The following DTNA variants were observed in gnomAD, a reference collection of about 807,000 sequenced individuals.
DTNA encodes the protein dystrobrevin alpha.
Under a neutral mutation model 100.7 loss-of-function variants are expected in DTNA, and 43 were observed. The ratio of observed to expected loss-of-function variants is 0.43; its 90% CI spans 0.33 to 0.55. DTNA has a LOEUF of 0.55. Among genes scored for constraint, DTNA ranks in the 20% least tolerant of loss-of-function variants. The pLI, the probability that DTNA is intolerant of heterozygous loss-of-function variation, is 0.04. For synonymous variants in DTNA, 349 were observed against 347.9 expected (o/e 1.00, Z -0.04); for missense variants, 798 against 953.9 (o/e 0.84, Z 2.15).
Position 34,599,861 on chromosome 18 carries a change from T to C in DTNA, c.-2+106347T>C, listed in dbSNP as rs896867873. Among the ~76,000 whole-genome samples, 6 of 152,264 alleles carry C rather than the reference T, an allele frequency of 3.9e-5. No individual in the cohort carries two copies. In the East Asian group the frequency reaches 1.2e-3, roughly 29 times the overall value. ...CCTAGCTAATTTTTTGTATTTTTAG[T>C]AGAGACAGGCTTTCATCATGTTGGC... On this transcript the variant is annotated intron_variant, in intron 1 of 19. Transcript: ENST00000283365.
chr18:34,544,335 T>A (rs1441983602), intron 1 of DTNA, among the ~76,000 whole-genome samples: 5 of 152,064 alleles, frequency 3.3e-5, no homozygotes, highest in Non-Finnish European at 5.9e-5. Context: ...TTAAAAAAAA[T>A]AATAGAAACT....
intron 1 of DTNA, among the ~76,000 whole-genome samples, chr18:34,733,148 G>T (rs1355799231): frequency 6.6e-6 from 1 of 152,072 alleles, no homozygotes; most frequent in Non-Finnish European, 1.5e-5. Context: ...GGGGAAGAAT[G>T]GGAGAAAGAT....
chr18:34,605,957 A>G (rs961934827), intron 1 of DTNA, among the ~76,000 whole-genome samples: 3 of 152,292 alleles, frequency 2.0e-5, no homozygotes, highest in South Asian at 4.1e-4. Context: ...GTTTATTTAA[A>G]TGATTTAAAT....
chr18:34,836,900 G>A (rs2096162254), intron 11 of DTNA, among the ~76,000 whole-genome samples: 2 of 151,986 alleles, frequency 1.3e-5, no homozygotes, highest in African/African-American at 2.4e-5. Flanking sequence ...CAACTATAAT[G>A]TGCATAGTTC....
In DTNA at chr18:34,533,010, T is replaced by C. The variant is rs536182655; in HGVS notation, c.-2+39496T>C. Among the ~76,000 whole-genome samples the C allele has an allele frequency of 3.3e-5, 5 of 152,088 alleles. No homozygotes were observed. In the South Asian group the frequency reaches 1.0e-3, roughly 32 times the overall value. ...ATAATGCGAGAATGCAGGACACTTATGTTGGCGAAATAATTTAGAAGACTT... is the reference window on the plus strand; with the variant it reads ...ATAATGCGAGAATGCAGGACACTTACGTTGGCGAAATAATTTAGAAGACTT... On this transcript the variant is annotated intron_variant, in intron 1 of 19. Transcript: ENST00000283365.
At chr18:34,883,494 G>T (rs1453276872) in intron 21 of DTNA, among the ~76,000 whole-genome samples, 1 of 151,762 alleles carries the variant, frequency 6.6e-6, no homozygotes, top group Non-Finnish European at 1.5e-5. Context: ...ATTTTTTGTG[G>T]AGTCAGGGTC....
At chr18:34,849,927 A>G (rs1010124852) in intron 14 of DTNA, among the ~76,000 whole-genome samples, 2 of 152,202 alleles carry the variant, frequency 1.3e-5, no homozygotes, top group Non-Finnish European at 2.9e-5. Context: ...AGACTGCTAA[A>G]TCTCCATGCA....
rs891974360 is a variant in DTNA at position 34,887,748 on chromosome 18, C to T, written c.*32-18C>T. 1 of 985,404 alleles carries T rather than the reference C, an allele frequency of 1.0e-6. No individual in the cohort carries two copies. The highest frequency in any genetic ancestry group is 1.2e-6 in the Non-Finnish European group (1 of 829,946). 61.0% of individuals were successfully genotyped at this position (985,404 alleles called of 1,614,324 possible). ...CAATTTGCATCTTTAAAAAAAATTA[C>T]ACATTCCTTATTCCCAGGCAAGCTA... On this transcript the variant is annotated intron_variant, in intron 22 of 22. Coordinates refer to ENST00000444659, the MANE Select transcript of DTNA (RefSeq NM_001386795.1).
intron 1 of DTNA, among the ~76,000 whole-genome samples, chr18:34,717,147 A>G (rs989660557): frequency 6.6e-6 from 1 of 152,196 alleles, no homozygotes; most frequent in Non-Finnish European, 1.5e-5. Context: ...GAAATGCTCT[A>G]TATCTTCTTA....
intron 16 of DTNA, among the ~76,000 whole-genome samples, chr18:34,861,321 T>C (rs1414833224): frequency 2.0e-5 from 3 of 151,408 alleles, no homozygotes; most frequent in African/African-American, 7.3e-5. Context: ...CCGTCTCTAC[T>C]AAAAATACAA....
intron 3 of DTNA, among the ~76,000 whole-genome samples, chr18:34,771,383 C>T (rs1287423646): frequency 6.6e-6 from 1 of 152,064 alleles, no homozygotes; most frequent in East Asian, 1.9e-4. Context: ...CCTGCAGTCC[C>T]AGCTACTTGG....
chr18:34,495,263 A>G (rs563111686), intron 1 of DTNA, among the ~76,000 whole-genome samples: 2 of 152,314 alleles, frequency 1.3e-5, no homozygotes, highest in African/African-American at 4.8e-5. Flanking sequence ...TCTAACTTTC[A>G]ATACTAAAAT....
intron 1 of DTNA, chr18:34,755,452 A>G (rs1159479964): frequency 6.3e-6 from 1 of 159,536 alleles, no homozygotes; most frequent in Non-Finnish European, 1.4e-5. Context: ...ACATTTAGAA[A>G]ATTACCTGTT....
intron 4 of DTNA, among the ~76,000 whole-genome samples, chr18:34,795,954 A>C (rs2094950880): frequency 6.6e-6 from 1 of 152,242 alleles, no homozygotes; most frequent in Admixed American, 6.5e-5. Context: ...GAATCATTTC[A>C]AGATTGATGA....
intron 8 of DTNA, among the ~76,000 whole-genome samples, chr18:34,819,488 G>A (rs2095662487): frequency 6.6e-6 from 1 of 152,158 alleles, no homozygotes; most frequent in Non-Finnish European, 1.5e-5. Flanking sequence ...TAGAAGAAAG[G>A]AGCTAAAACT....
intron 17 of DTNA, chr18:34,866,456 A>C: frequency 8.0e-7 from 1 of 1,250,594 alleles, no homozygotes. Flanking sequence ...GTTGTTGATC[A>C]GACCCTTCTC....
chr18:34,567,029 C>T (rs1016163263), intron 1 of DTNA, among the ~76,000 whole-genome samples: 3 of 152,102 alleles, frequency 2.0e-5, no homozygotes, highest in Admixed American at 1.3e-4. Flanking sequence ...CATGGTATGT[C>T]GTCAATATAC....
chr18:34,514,728 C>A (rs1291688064), intron 1 of DTNA, among the ~76,000 whole-genome samples: 3 of 151,992 alleles, frequency 2.0e-5, no homozygotes, highest in Non-Finnish European at 2.9e-5. Flanking sequence ...TATATGGCAA[C>A]CCTTGCTGTG....
Position 34,864,047 on chromosome 18 carries a change from C to T in DTNA, c.1728C>T (p.Leu576=), listed in dbSNP as rs1213404826. The part of the protein sequence containing the change: ...RRELMVQLEG[L]MKLLKTQGAG... ...AGCTAATGGTCCAGTTGGAGGGTCT[C>T]ATGAAGCTACTAAAGGTAAGACCTG... The change falls in exon 17 of 23, where the codon CTC becomes CTT. Residue 576 remains leucine (L), a synonymous_variant. Coordinates refer to ENST00000444659, the MANE Select transcript of DTNA (RefSeq NM_001386795.1). 2 of 1,610,138 alleles carry T rather than the reference C, an allele frequency of 1.2e-6. No homozygotes were observed. The highest frequency in any genetic ancestry group is 2.2e-5 in the South Asian group (2 of 90,292).
Sources: gnomAD v4.1 joint callset for allele counts (sites outside exome capture counted in the v4.1 genomes callset) on GRCh38, gnomAD v4.1.1 for gene constraint, MANE v1.5 for transcripts, NCBI Gene and HGNC (gene_info 2026-07-23, HGNC 2026-07-21) for gene names.